The following MROH7 variants were observed in gnomAD, a reference collection of about 807,000 sequenced individuals.
MROH7 encodes maestro heat-like repeat-containing protein family member 7.
A neutral mutation model predicts 129.2 loss-of-function variants in MROH7; 113 were observed. The ratio of observed to expected loss-of-function variants is 0.87; its 90% confidence interval spans 0.75 to 1.02. The LOEUF (loss-of-function observed/expected upper bound fraction) is 1.02. MROH7 is among the 50% of genes least tolerant of loss of function. MROH7 has a pLI of 0.00. For synonymous variants in MROH7, 655 were observed against 667.9 expected (o/e 0.98, Z 0.30); for missense variants, 1,601 against 1,671.3 (o/e 0.96, Z 0.73).
chr1:54,652,421 G>A (rs1644572068), intron 2 of MROH7, among the ~76,000 whole-genome samples: 2 of 151,994 alleles, frequency 1.3e-5, no homozygotes, highest in African/African-American at 2.4e-5. Flanking sequence ...GCTTCCAACT[G>A]TGTAACTGGC....
rs761575153 is a variant in MROH7 at position 54,653,241 on chromosome 1, G to A, written c.315G>A (p.Leu105=). The change falls in exon 3 of 24, where the codon CTG becomes CTA. Residue 105 remains leucine, a synonymous_variant. Coordinates refer to ENST00000421030, the MANE Select transcript of MROH7 (RefSeq NM_001039464.4). ...CCAGTTCTTGTTCTGGTGAAGCCCT[G>A]GACCTGGATTCCAAGGATGTCTCAA... is the stretch of plus-strand genomic sequence containing the variant. The part of the protein sequence containing the change: ...QITSSCSGEA[L]DLDSKDVSRP... 5.6e-6 allele frequency: 9 copies of A among 1,614,162 alleles called. 1 individual carries two copies. The South Asian group carries it at 8.8e-5, about 16-fold the overall frequency.
chr1:54,690,438 GTTT>G (rs755023511), intron 15 of MROH7, among the ~76,000 whole-genome samples: 2 of 144,244 alleles, frequency 1.4e-5, no homozygotes, highest in East Asian at 2.1e-4. Flanking sequence ...AAGTTCAGAA[GTTT>G]TTTTTTTTTT....
chr1:54,668,398 T>C (rs945629675), intron 4 of MROH7, among the ~76,000 whole-genome samples: 16 of 152,224 alleles, frequency 1.1e-4, no homozygotes, highest in African/African-American at 3.9e-4. Flanking sequence ...TGGTCATTGT[T>C]TATTTTCCTT....
intron 22 of MROH7, 108 bp from the exon 23 acceptor site, chr1:54,708,906 C>A: frequency 1.2e-6 from 1 of 863,260 alleles, no homozygotes; most frequent in South Asian, 1.4e-5. Context: ...ATGTGTGGGG[C>A]TGGAGGATAA....
Position 54,701,138 on chromosome 1 carries a change from C to T in MROH7, c.3106-5C>T. ...GCCCTCATCCCAAATGCTCCTGCCC[C>T]ACAGACCGCCAAGGTGAAGGCCCTC... is the stretch of plus-strand genomic sequence containing the variant. On this transcript the variant is annotated splice_region_variant and splice_polypyrimidine_tract_variant and intron_variant, in intron 18 of 23. Coordinates refer to ENST00000421030, the MANE Select transcript of MROH7 (RefSeq NM_001039464.4). 6.2e-7 allele frequency: 1 copy of T among 1,613,170 alleles called. No homozygotes were observed. The highest frequency in any genetic ancestry group is 8.5e-7 in the Non-Finnish European group (1 of 1,180,006).
chr1:54,702,430 G>A (rs1645455882), intron 20 of MROH7, among the ~76,000 whole-genome samples, 185 bp downstream of exon 20: 1 of 152,170 alleles, frequency 6.6e-6, no homozygotes, highest in African/African-American at 2.4e-5. Flanking sequence ...TCTGGTCATA[G>A]CTGATGTATA....
At chr1:54,684,964 G>A (rs1209955999) in intron 14 of MROH7, among the ~76,000 whole-genome samples, 1 of 151,778 alleles carries the variant, frequency 6.6e-6, no homozygotes, top group Non-Finnish European at 1.5e-5. Flanking sequence ...CTTTCACTTT[G>A]CAATTAAATG....
At chr1:54,704,205 G>T (rs955620705) in intron 21 of MROH7, among the ~76,000 whole-genome samples, 1 of 152,154 alleles carries the variant, frequency 6.6e-6, no homozygotes, top group Non-Finnish European at 1.5e-5. Flanking sequence ...TCACATTCCA[G>T]TGGGAAATAG....
At chr1:54,646,638 C>T (rs572265301) in intron 1 of MROH7, among the ~76,000 whole-genome samples, 25 of 152,046 alleles carry the variant, frequency 1.6e-4, no homozygotes, top group Non-Finnish European at 2.2e-4. Flanking sequence ...CTATCACATC[C>T]ATTAAAAAAA....
At chr1:54,706,410 C>A (rs376975806) in intron 21 of MROH7, 25 bp from the exon 22 acceptor site, 59 of 1,583,306 alleles carry the variant, frequency 3.7e-5, no homozygotes, top group Admixed American at 1.2e-4. Context: ...GAGGCCAGCA[C>A]TTTTGGGGTT....
At chr1:54,702,007 T>G in intron 19 of MROH7, 83 bp from the exon 20 acceptor site, 10 of 1,240,292 alleles carry the variant, frequency 8.1e-6, no homozygotes, top group African/African-American at 1.5e-5. Flanking sequence ...TAGGCTTGAG[T>G]GAGAGGAACA....
intron 6 of MROH7, 83 bp downstream of exon 6, chr1:54,670,659 C>CAA: frequency 6.0e-6 from 8 of 1,337,312 alleles, no homozygotes; most frequent in Non-Finnish European, 8.3e-6. Context: ...TCGCTGTACC[C>CAA]TCCCCCAACC....
intron 7 of MROH7, among the ~76,000 whole-genome samples, chr1:54,672,337 G>A (rs1297431570): frequency 2.6e-5 from 4 of 152,190 alleles, no homozygotes; most frequent in African/African-American, 9.6e-5. Context: ...CAGACTCAGG[G>A]AGTCTAGACA....
In MROH7 at chr1:54,674,146, A is replaced by G; in HGVS notation, c.1931A>G (p.Gln644Arg). ...IIILYTILEL[Q>R]KRARDKEETN... is the part of the protein sequence containing the mutation. ...ATCCTCTACACTATTCTGGAGCTCC[A>G]AAAACGTAAGCCCTATCGGAGTACT... The change falls in exon 10 of 24, where the codon CAA becomes CGA. Residue 644 changes from glutamine to arginine, a missense_variant. Physicochemically the swap from Gln to Arg is conservative, Grantham distance 43. Transcript: ENST00000421030. 11 of 1,612,958 alleles carry G rather than the reference A, an allele frequency of 6.8e-6. No individual in the cohort carries two copies. Among genetic ancestry groups the G allele is most frequent in the Non-Finnish European group, 9.3e-6 (11 of 1,179,592 alleles).
At chr1:54,657,162 C>T (rs898951422) in intron 3 of MROH7, among the ~76,000 whole-genome samples, 2 of 151,580 alleles carry the variant, frequency 1.3e-5, no homozygotes, top group Non-Finnish European at 2.9e-5. Context: ...ATCCTCCTGC[C>T]TCAGCCTCCC....
chr1:54,673,470 A>C (rs1380105361), intron 8 of MROH7, among the ~76,000 whole-genome samples: 2 of 151,902 alleles, frequency 1.3e-5, no homozygotes, highest in African/African-American at 4.8e-5. Context: ...TTCTGTCTTC[A>C]TGACTCTTCA....
rs1288399352 is a variant in MROH7, at chr1:54,653,883, C to T, written c.957C>T (p.Ser319=). ...SLHSSTHEPN[S]TISPPSCMTL... ...ACTCCAGCACCCATGAGCCCAACTC[C>T]ACCATCTCTCCACCCTCATGCATGA... is the stretch of plus-strand genomic sequence containing the variant. The change falls in exon 3 of 24, where the codon TCC becomes TCT. Residue 319 remains serine (S), a synonymous_variant. Transcript: ENST00000421030. 5 of 1,613,862 alleles carry T rather than the reference C, an allele frequency of 3.1e-6. No homozygotes were observed. The highest frequency in any genetic ancestry group is 1.3e-5 in the African/African-American group (1 of 74,920).
At chr1:54,668,736 G>C in intron 4 of MROH7, 118 bp from the exon 5 acceptor site, 4 of 700,108 alleles carry the variant, frequency 5.7e-6, no homozygotes, top group Admixed American at 4.8e-5. Flanking sequence ...CATTTCTCTT[G>C]CACCAATGCT....
rs367806175 is a variant in MROH7 at position 54,701,297 on chromosome 1, A to G, written c.3260A>G (p.Gln1087Arg). 1 of 1,600,774 alleles carries G rather than the reference A, an allele frequency of 6.2e-7. No individual in the cohort carries two copies. The highest frequency in any genetic ancestry group is 1.3e-5 in the African/African-American group (1 of 74,648). ...MDSAVYVEML[Q>R]ILLPHFSDAR... Reference sequence around the variant, plus strand: ...AGTGCGGTCTATGTGGAGATGCTGCAGATCCTGCTGCCGCACTTCAGCGAC... The same window carrying G: ...AGTGCGGTCTATGTGGAGATGCTGCGGATCCTGCTGCCGCACTTCAGCGAC... The change falls in exon 19 of 24, where the codon CAG (glutamine) becomes CGG (arginine). Residue 1087 changes from glutamine (Q) to arginine (R), a missense_variant. Transcript: ENST00000421030.
Sources: allele counts gnomAD v4.1 joint callset (sites outside exome capture counted in the v4.1 genomes callset), GRCh38; gene constraint gnomAD v4.1.1; transcripts MANE v1.5; gene names NCBI Gene and HGNC (gene_info 2026-07-23, HGNC 2026-07-21).